The following FRMD8 variants were observed in gnomAD, a reference collection of about 807,000 sequenced individuals.
FRMD8 encodes FERM domain containing 8.
In FRMD8, 37 loss-of-function variants were observed where a neutral mutation model predicts 54.2. The observed-to-expected ratio is 0.68, with a 90% CI of 0.53 to 0.90. FRMD8 has a LOEUF of 0.90. Ranked by LOEUF, FRMD8 falls within the 40% of genes least tolerant of loss-of-function variation. FRMD8 has a pLI of 0.00. For synonymous variants in FRMD8, 246 were observed against 286.9 expected (o/e 0.86, Z 1.44); for missense variants, 585 against 653.7 (o/e 0.89, Z 1.15).
chr11:65,399,334 A>C (rs1343210506), intron 7 of FRMD8, among the ~76,000 whole-genome samples: 6 of 151,020 alleles, frequency 4.0e-5, no homozygotes, highest in Non-Finnish European at 8.9e-5. Flanking sequence ...CACTCCCCTC[A>C]CCTCCTCGTG....
At chr11:65,381,738 G>A, upstream of FRMD8, 2 of 698,248 alleles carry the variant, frequency 2.9e-6, no homozygotes, top group Non-Finnish European at 5.1e-6. Context: ...TGATTTTTTT[G>A]TAGAGACAGG....
upstream of FRMD8, among the ~76,000 whole-genome samples, chr11:65,385,550 T>C (rs1278530649): frequency 6.6e-6 from 1 of 152,178 alleles, no homozygotes; most frequent in Non-Finnish European, 1.5e-5. Context: ...AGGTGCCCCA[T>C]GGACTTATTT....
chr11:65,377,737 C>A, the FRMD8 span: 1 of 152,428 alleles, frequency 6.6e-6, no homozygotes, highest in Admixed American at 6.5e-5. Flanking sequence ...GGGCTGGAGT[C>A]CTGGTGAGGG....
rs1457382931 is a variant in FRMD8 at position 65,399,622 on chromosome 11, C to CTTT, written c.804-114_804-113insTTT. 3.2e-6 allele frequency: 4 copies of CTTT among 1,262,010 alleles called. No homozygotes were observed. The East Asian group carries it at 7.4e-5, about 23-fold the overall frequency. 78.2% of individuals were successfully genotyped at this position (1,262,010 alleles called of 1,614,324 possible). On this transcript the variant is annotated intron_variant, in intron 7 of 10. Coordinates refer to ENST00000317568, the MANE Select transcript of FRMD8 (RefSeq NM_031904.5). The stretch of plus-strand genomic sequence containing the variant: ...ACCTCTGTTTCTCCCTTCCCTGGGG[C>CTTT]GGGTTTCAGTCACCCAAACAGCAGA...
intron 10 of FRMD8, among the ~76,000 whole-genome samples, 196 bp downstream of exon 10, chr11:65,405,264 G>A (rs889467148): frequency 9.9e-5 from 15 of 152,244 alleles, no homozygotes; most frequent in Admixed American, 6.5e-5. Context: ...TCACTGCTGC[G>A]TCACAGACGT....
At chr11:65,381,826 T>C, upstream of FRMD8, 5 of 1,537,070 alleles carry the variant, frequency 3.3e-6, no homozygotes, top group Non-Finnish European at 4.5e-6. Flanking sequence ...ACTCAGACTT[T>C]GGTCTCTGCT....
the FRMD8 span, chr11:65,379,271 G>A: frequency 3.8e-6 from 5 of 1,329,664 alleles, no homozygotes; most frequent in South Asian, 2.5e-5. Context: ...CCCTCCAAGA[G>A]GCCTATGCCT....
At chr11:65,398,331 A>G (rs976635134) in intron 7 of FRMD8, among the ~76,000 whole-genome samples, 2 of 152,152 alleles carry the variant, frequency 1.3e-5, no homozygotes, top group Non-Finnish European at 2.9e-5. Flanking sequence ...ATTTTGAGAT[A>G]CTTGTTAGAC....
chr11:65,383,906 C>G (rs999010732), upstream of FRMD8, among the ~76,000 whole-genome samples: 1 of 152,056 alleles, frequency 6.6e-6, no homozygotes, highest in Non-Finnish European at 1.5e-5. Context: ...ACCCAATGGG[C>G]GGTTACATTA....
At position 65,400,784 on chromosome 11, in the gene FRMD8, G is replaced by A; in HGVS notation, c.988G>A (p.Glu330Lys). 1 of 1,612,682 alleles carries A rather than the reference G, an allele frequency of 6.2e-7. No individual in the cohort carries two copies. Among genetic ancestry groups the A allele is most frequent in the South Asian group, 1.1e-5 (1 of 90,612 alleles). Residue 330 changes from glutamate to lysine, a missense_variant, in exon 9 of 11, where the codon GAG becomes AAG. Transcript: ENST00000317568. This position sits in a 1 kb window ranked among gnomAD's most constrained non-coding sequence, Gnocchi z 4.3. ...GTGGGACCACACCTCCCCCGAGGAG[G>A]AGGAGCCCATCTTGTGGCTGGAGTT... is the stretch of plus-strand genomic sequence containing the variant. ...LSWDHTSPEE[E>K]EPILWLEFDG... is the part of the protein sequence containing the mutation.
chr11:65,372,360 C>T, the FRMD8 span, among the ~76,000 whole-genome samples: 1 of 152,120 alleles, frequency 6.6e-6, no homozygotes, highest in Non-Finnish European at 1.5e-5. Flanking sequence ...ACCCTAAACT[C>T]ACTCCAGGAC....
chr11:65,378,437 G>A, the FRMD8 span: 5 of 152,208 alleles, frequency 3.3e-5, no homozygotes, highest in Admixed American at 2.6e-4. Flanking sequence ...AAAGAGCTGG[G>A]GGGGCAGGGT....
rs1230655427 is a variant in FRMD8 at position 65,393,553 on chromosome 11, C to T, written c.254-20C>T. ...GACTGGCCGGAGGCTGCATGGGCCA[C>T]TCCCCATCTCGTCCTGCAGAGGTGC... On this transcript the variant is annotated intron_variant, in intron 3 of 10. Coordinates refer to ENST00000317568, the MANE Select transcript of FRMD8 (RefSeq NM_031904.5). 1 of 1,593,982 alleles carries T rather than the reference C, an allele frequency of 6.3e-7. No homozygotes were observed. The highest frequency in any genetic ancestry group is 1.7e-5 in the Admixed American group (1 of 59,986).
chr11:65,389,985 C>CTG, intron 3 of FRMD8, among the ~76,000 whole-genome samples: 1 of 152,192 alleles, frequency 6.6e-6, no homozygotes, highest in African/African-American at 2.4e-5. Flanking sequence ...CAGACCCAGG[C>CTG]CTGAGTGGCT....
chr11:65,399,734 A>T lies in FRMD8; in HGVS notation c.804-2A>T. On this transcript the variant is annotated splice_acceptor_variant, in intron 7 of 10. Transcript: ENST00000317568. LOFTEE classifies it high-confidence loss of function. ...GGAGGCTGACCCCAGTCCCCTCCCC[A>T]GGTGTGCCTTCTTCCACGGTGAGGT... 6.2e-7 allele frequency: 1 copy of T among 1,613,746 alleles called. No homozygotes were observed. The highest frequency in any genetic ancestry group is 8.5e-7 in the Non-Finnish European group (1 of 1,179,858).
intron 9 of FRMD8, among the ~76,000 whole-genome samples, chr11:65,401,668 C>T (rs1390560707): frequency 3.4e-5 from 5 of 147,212 alleles, no homozygotes; most frequent in Admixed American, 2.0e-4. Flanking sequence ...ACTACATGCT[C>T]CTGGAAGCTT....
chr11:65,400,275 A>T lies in FRMD8; in HGVS notation c.927+416A>T, dbSNP rs1036226006. ...GTCAGCAGCCAGCCCTGTGGGGCAGATTACCTGTCCCTGGACAGAAATTTG... is the reference window on the plus strand; with the variant it reads ...GTCAGCAGCCAGCCCTGTGGGGCAGTTTACCTGTCCCTGGACAGAAATTTG... On this transcript the variant is annotated intron_variant, in intron 8 of 10. Coordinates refer to ENST00000317568, the MANE Select transcript of FRMD8 (RefSeq NM_031904.5). The surrounding 1 kb of genome is among the most constrained non-coding windows in gnomAD (Gnocchi z 4.3). Among the ~76,000 whole-genome samples the T allele has an allele frequency of 2.2e-4, 33 of 152,280 alleles. No homozygotes were observed. Among genetic ancestry groups the T allele is most frequent in the African/African-American group, 6.7e-4 (28 of 41,544 alleles).
At chr11:65,391,063 G>C (rs1017794994) in intron 3 of FRMD8, among the ~76,000 whole-genome samples, 8 of 152,280 alleles carry the variant, frequency 5.3e-5, no homozygotes, top group African/African-American at 1.9e-4. Context: ...ACCGGTGACA[G>C]ATGCCCCAGG....
the FRMD8 span, chr11:65,379,939 C>G: frequency 2.5e-6 from 4 of 1,614,082 alleles, no homozygotes; most frequent in Non-Finnish European, 1.7e-6. Context: ...GCAGCCTCAC[C>G]TGGGTGGGAG....
Sources: allele counts gnomAD v4.1 joint callset (sites outside exome capture counted in the v4.1 genomes callset), GRCh38; gene constraint gnomAD v4.1.1; non-coding constraint Gnocchi (gnomAD v3.1); transcripts MANE v1.5; gene names NCBI Gene and HGNC (gene_info 2026-07-23, HGNC 2026-07-21).